ADGRL3: variants seen among roughly 807,000 people sequenced by gnomAD.
ADGRL3 encodes the protein adhesion G protein-coupled receptor L3.
ADGRL3 carries 62 observed loss-of-function variants against 153.5 expected under a neutral mutation model. The observed-to-expected ratio is 0.40, with a 90% CI of 0.33 to 0.50. The LOEUF (loss-of-function observed/expected upper bound fraction) is 0.50. Ranked by LOEUF, ADGRL3 falls within the 20% of genes least tolerant of loss-of-function variation. The pLI is 0.47. For missense variants in ADGRL3, 1,641 were observed against 1,859.4 expected (o/e 0.88, Z 2.16); for synonymous variants, 710 against 672.5 (o/e 1.06, Z -0.86).
At chr4:61,324,932 A>G (rs1340332223) in intron 1 of ADGRL3, among the ~76,000 whole-genome samples, 1 of 152,186 alleles carries the variant, frequency 6.6e-6, no homozygotes, top group Non-Finnish European at 1.5e-5. Context: ...ATTAAATAGA[A>G]TTTTAAATTA....
At chr4:61,945,980 T>C (rs1374559720) in intron 15 of ADGRL3, among the ~76,000 whole-genome samples, 1 of 152,212 alleles carries the variant, frequency 6.6e-6, no homozygotes, top group Non-Finnish European at 1.5e-5. Context: ...TTCTATTATA[T>C]AATGTGCCAT....
chr4:61,974,426 G>A (rs1166017827), intron 17 of ADGRL3, among the ~76,000 whole-genome samples: 1 of 151,886 alleles, frequency 6.6e-6, no homozygotes, highest in Non-Finnish European at 1.5e-5. Context: ...TTATTGTTAT[G>A]GTTATTTTTC....
intron 8 of ADGRL3, among the ~76,000 whole-genome samples, chr4:61,755,437 A>G (rs2096814774): frequency 6.6e-6 from 1 of 152,168 alleles, no homozygotes; most frequent in Non-Finnish European, 1.5e-5. Context: ...GTGTCTGTTC[A>G]TATCCTTCGC....
intron 2 of ADGRL3, among the ~76,000 whole-genome samples, chr4:61,479,347 C>G (rs968543545): frequency 6.6e-6 from 1 of 152,058 alleles, no homozygotes; most frequent in Non-Finnish European, 1.5e-5. Flanking sequence ...CACCGCCCCC[C>G]ATGCAAGGGC....
chr4:61,998,218 T>C lies in ADGRL3; in HGVS notation c.3348T>C (p.His1116=). 6.3e-7 allele frequency: 1 copy of C among 1,588,344 alleles called. No individual in the cohort carries two copies. Among genetic ancestry groups the C allele is most frequent in the South Asian group, 1.1e-5 (1 of 87,002 alleles). The change falls in exon 21 of 27, where the codon CAT becomes CAC. Residue 1116 remains histidine, a synonymous_variant. Coordinates refer to ENST00000683033, the MANE Select transcript of ADGRL3 (RefSeq NM_001387552.1). ...FLGIALYKMF[H]HTAILKPESG... The stretch of plus-strand genomic sequence containing the variant: ...GGATTGCTTTATATAAAATGTTTCA[T>C]CATACTGCTATACTGAAACCTGAAT...
chr4:61,218,476 CT>C (rs968513615), intron 1 of ADGRL3, among the ~76,000 whole-genome samples: 9 of 151,280 alleles, frequency 5.9e-5, no homozygotes, highest in Admixed American at 3.3e-4. Flanking sequence ...TGCCCAGCTA[CT>C]TTTTTTTTAT....
chr4:61,520,254 C>T (rs1343026735), intron 4 of ADGRL3, among the ~76,000 whole-genome samples: 1 of 151,952 alleles, frequency 6.6e-6, no homozygotes, highest in African/African-American at 2.4e-5. Flanking sequence ...CAAGGCTTTC[C>T]CTAGAAGCTA....
At chr4:61,768,173 G>A (rs2097025703) in intron 8 of ADGRL3, among the ~76,000 whole-genome samples, 1 of 152,068 alleles carries the variant, frequency 6.6e-6, no homozygotes, top group African/African-American at 2.4e-5. Context: ...CTATGCCTTT[G>A]GCTCCAGCCA....
intron 1 of ADGRL3, among the ~76,000 whole-genome samples, chr4:61,328,776 A>G (rs2095513863): frequency 6.6e-6 from 1 of 152,094 alleles, no homozygotes; most frequent in African/African-American, 2.4e-5. Flanking sequence ...GCCTCTTTTT[A>G]TACTAAGATG....
chr4:61,563,264 CT>C (rs909781839), intron 4 of ADGRL3, among the ~76,000 whole-genome samples: 1 of 151,890 alleles, frequency 6.6e-6, no homozygotes, highest in African/African-American at 2.4e-5. Context: ...TGTAAGGAGT[CT>C]TTTTTTTCTC....
intron 1 of ADGRL3, among the ~76,000 whole-genome samples, chr4:61,256,121 T>C (rs2091940060): frequency 6.6e-6 from 1 of 152,212 alleles, no homozygotes; most frequent in African/African-American, 2.4e-5. Flanking sequence ...TTTTCATTTC[T>C]CAAAACACAT....
intron 6 of ADGRL3, among the ~76,000 whole-genome samples, chr4:61,708,951 A>C (rs965772102): frequency 6.6e-5 from 10 of 152,006 alleles, no homozygotes; most frequent in African/African-American, 2.4e-4. Context: ...CTGGGACTCC[A>C]GGCGTGCACC....
chr4:61,867,406 G>A (rs948836205), intron 9 of ADGRL3, among the ~76,000 whole-genome samples: 4 of 150,712 alleles, frequency 2.7e-5, no homozygotes, highest in Non-Finnish European at 5.9e-5. Context: ...AATCTGAGGC[G>A]GGAGGATCAC....
intron 4 of ADGRL3, among the ~76,000 whole-genome samples, chr4:61,548,993 T>A (rs1420883874): frequency 6.6e-6 from 1 of 152,112 alleles, no homozygotes; most frequent in Non-Finnish European, 1.5e-5. Context: ...TCCATTTGTT[T>A]GTGTCATCAC....
rs529336591 is a variant in ADGRL3, at chr4:61,998,867, G to A, written c.3395+602G>A. On this transcript the variant is annotated intron_variant, in intron 21 of 26. Transcript: ENST00000683033. ...ACTGGGAGTACAGGCACGAGCCACCGCACCTGGCCTGATTATTGTTTCTTA... is the reference window on the plus strand; with the variant it reads ...ACTGGGAGTACAGGCACGAGCCACCACACCTGGCCTGATTATTGTTTCTTA... Among the ~76,000 whole-genome samples the A allele has an allele frequency of 7.2e-5, 11 of 152,088 alleles. No individual in the cohort carries two copies. In the East Asian group the frequency reaches 1.4e-3, roughly 19 times the overall value.
chr4:61,408,641 T>C (rs2097036581), intron 2 of ADGRL3, among the ~76,000 whole-genome samples: 1 of 152,078 alleles, frequency 6.6e-6, no homozygotes. Flanking sequence ...GGAAATAAAT[T>C]ATTTAATCTA....
At chr4:61,353,875 A>G (rs928454043) in intron 1 of ADGRL3, among the ~76,000 whole-genome samples, 1 of 151,984 alleles carries the variant, frequency 6.6e-6, no homozygotes, top group Non-Finnish European at 1.5e-5. Context: ...CACTTTTCTA[A>G]TTTGAATTTT....
In ADGRL3 at chr4:61,870,029, A is replaced by G. The variant is rs576176902; in HGVS notation, c.1481-22627A>G. Among the ~76,000 whole-genome samples, 3 of 150,022 alleles carry G rather than the reference A, an allele frequency of 2.0e-5. No homozygotes were observed. The South Asian group carries it at 6.4e-4, about 32-fold the overall frequency. ...GAGAGAGAAAGGAAAGAAAGAAGAAAGAAAGAAAGAGAAAGAAAAGAAAGG... is the reference window on the plus strand; with the variant it reads ...GAGAGAGAAAGGAAAGAAAGAAGAAGGAAAGAAAGAGAAAGAAAAGAAAGG... On this transcript the variant is annotated intron_variant, in intron 9 of 26. Coordinates refer to ENST00000683033, the MANE Select transcript of ADGRL3 (RefSeq NM_001387552.1).
chr4:61,360,536 T>C (rs1306163852), intron 1 of ADGRL3, among the ~76,000 whole-genome samples: 1 of 152,186 alleles, frequency 6.6e-6, no homozygotes, highest in East Asian at 1.9e-4. Flanking sequence ...AACATGAGGA[T>C]ATGTTATTTA....
Sources: gnomAD v4.1 joint callset for allele counts (sites outside exome capture counted in the v4.1 genomes callset) on GRCh38, gnomAD v4.1.1 for gene constraint, MANE v1.5 for transcripts, NCBI Gene and HGNC (gene_info 2026-07-23, HGNC 2026-07-21) for gene names.